Variants in DYNC2H1 observed in about 807,000 individuals in gnomAD.
DYNC2H1 encodes the protein cytoplasmic dynein 2 heavy chain 1.
Under a neutral mutation model 570.0 loss-of-function variants are expected in DYNC2H1, and 410 were observed. The ratio of observed to expected loss-of-function variants is 0.72; its 90% CI spans 0.66 to 0.78. The LOEUF (loss-of-function observed/expected upper bound fraction) is 0.78, where lower values mean the gene tolerates loss of function less well. DYNC2H1 is among the 30% of genes least tolerant of loss of function. DYNC2H1 has a pLI of 0.00. For synonymous variants in DYNC2H1, 1,688 were observed against 1,677.6 expected (o/e 1.01, Z -0.15); for missense variants, 4,865 against 5,046.4 (o/e 0.96, Z 1.09).
chr11:103,357,067 AAT>A (rs1467399665), intron 82 of DYNC2H1, among the ~76,000 whole-genome samples: 3 of 152,140 alleles, frequency 2.0e-5, no homozygotes, highest in African/African-American at 7.2e-5. Context: ...ATTTAGGTAT[AAT>A]ATGAAAAACA....
At position 103,363,972 on chromosome 11, in the gene DYNC2H1, G is replaced by A. The variant is rs948760766; in HGVS notation, c.12156+5613G>A. ...AGTCTTTTTTCCATATGAGGACCTT[G>A]AAGCTCCATAAGGCAAGCAAGAAAT... On this transcript the variant is annotated intron_variant, in intron 83 of 88. Transcript: ENST00000375735. The surrounding 1 kb of genome is among the most constrained non-coding windows in gnomAD (Gnocchi z 5.6). Among the ~76,000 whole-genome samples the A allele has an allele frequency of 1.3e-5, 2 of 152,014 alleles. No homozygotes were observed. Among genetic ancestry groups the A allele is most frequent in the African/African-American group, 2.4e-5 (1 of 41,362 alleles).
intron 75 of DYNC2H1, among the ~76,000 whole-genome samples, chr11:103,296,699 A>G (rs1405094673): frequency 1.3e-5 from 2 of 150,550 alleles, no homozygotes; most frequent in African/African-American, 4.9e-5. Flanking sequence ...TGCCATTATC[A>G]TCTTCTCCCA....
chr11:103,388,233 G>A (rs1941977452), intron 83 of DYNC2H1, among the ~76,000 whole-genome samples: 1 of 148,864 alleles, frequency 6.7e-6, no homozygotes, highest in Non-Finnish European at 1.5e-5. Context: ...CTTGTAAGTT[G>A]GATTCCTAGG....
chr11:103,249,713 C>T lies in DYNC2H1; in HGVS notation c.10043-3572C>T, dbSNP rs1189221068. Among the ~76,000 whole-genome samples the T allele has an allele frequency of 6.6e-6, 1 of 152,026 alleles. No homozygotes were observed. The highest frequency in any genetic ancestry group is 1.5e-5 in the Non-Finnish European group (1 of 67,960). On this transcript the variant is annotated intron_variant, in intron 65 of 88. Coordinates refer to ENST00000375735, the MANE Select transcript of DYNC2H1 (RefSeq NM_001377.3). This position sits in a 1 kb window ranked among gnomAD's most constrained non-coding sequence, Gnocchi z 4.6. Reference sequence around the variant, plus strand: ...TAAAACACCAACATCAGAGAGGTCACTCTGACTGCAGTCATGTTTGAGCAC... The same window carrying T: ...TAAAACACCAACATCAGAGAGGTCATTCTGACTGCAGTCATGTTTGAGCAC...
chr11:103,133,678 A>G lies in DYNC2H1; in HGVS notation c.2077A>G (p.Arg693Gly). The change falls in exon 14 of 89, where the codon AGA becomes GGA. Residue 693 changes from arginine to glycine, a missense_variant. Around this residue, in one of 5 missense-constraint regions of DYNC2H1, gnomAD observed 1,936 missense variants for 1,962.1 expected, o/e 0.99. Coordinates refer to ENST00000375735, the MANE Select transcript of DYNC2H1 (RefSeq NM_001377.3). This position sits in a 1 kb window ranked among gnomAD's most constrained non-coding sequence, Gnocchi z 4.8. ...GCTTGCCACTGAAAATAGAAAACTGAGAAAATGGCACACTACATTTTGTGA... is the reference window on the plus strand; with the variant it reads ...GCTTGCCACTGAAAATAGAAAACTGGGAAAATGGCACACTACATTTTGTGA... ...ERLATENRKL[R>G]KWHTTFCEKV... 1 of 1,611,524 alleles carries G rather than the reference A, an allele frequency of 6.2e-7. No individual in the cohort carries two copies. Among genetic ancestry groups the G allele is most frequent in the East Asian group, 2.2e-5 (1 of 44,770 alleles).
rs900171930 is a variant in DYNC2H1, at chr11:103,439,658, C to A, written c.12456+3626C>A. Reference sequence around the variant, plus strand: ...ATAGATCCCCTAGGTATCCAAGGAACCTGAGCCACAGAGAGTCTTGCAGGC... The same window carrying A: ...ATAGATCCCCTAGGTATCCAAGGAAACTGAGCCACAGAGAGTCTTGCAGGC... On this transcript the variant is annotated intron_variant, in intron 85 of 88. Transcript: ENST00000375735. The surrounding 1 kb of genome is among the most constrained non-coding windows in gnomAD (Gnocchi z 4.1). Among the ~76,000 whole-genome samples the A allele has an allele frequency of 6.6e-6, 1 of 151,992 alleles. No individual in the cohort carries two copies. The highest frequency in any genetic ancestry group is 1.5e-5 in the Non-Finnish European group (1 of 67,992).
intron 60 of DYNC2H1, among the ~76,000 whole-genome samples, chr11:103,231,836 C>T (rs778082128): frequency 1.3e-5 from 2 of 151,832 alleles, no homozygotes; most frequent in Non-Finnish European, 1.5e-5. Flanking sequence ...TTTTTCTCTA[C>T]GTTCAGGAAA....
chr11:103,154,013 A>G, intron 22 of DYNC2H1, among the ~76,000 whole-genome samples: 1 of 151,968 alleles, frequency 6.6e-6, no homozygotes, highest in East Asian at 1.9e-4. Flanking sequence ...TACCATAATT[A>G]CTAAATGGCA....
chr11:103,139,813 G>A (rs1859800346), intron 17 of DYNC2H1, among the ~76,000 whole-genome samples: 1 of 151,886 alleles, frequency 6.6e-6, no homozygotes, highest in East Asian at 1.9e-4. Flanking sequence ...TTGACAGTGG[G>A]GTGTTAAAGT....
Position 103,160,974 on chromosome 11 carries a change from C to A in DYNC2H1, c.4421C>A (p.Thr1474Asn). 6.4e-7 allele frequency: 1 copy of A among 1,571,054 alleles called. No individual in the cohort carries two copies. The highest frequency in any genetic ancestry group is 8.6e-7 in the Non-Finnish European group (1 of 1,161,460). ...TTTGATGAGAAATCAAAACATATAA[C>A]TGCAATGAAATCTTTAGAGGGAGAA... ...VCFDEKSKHI[T>N]AMKSLEGEVV... The change falls in exon 29 of 89, where the codon ACT becomes AAT. Residue 1474 changes from threonine to asparagine, a missense_variant. This residue lies in a region of DYNC2H1 where 1,936 missense variants were observed against 1,962.1 expected (regional missense o/e 0.99). Coordinates refer to ENST00000375735, the MANE Select transcript of DYNC2H1 (RefSeq NM_001377.3).
rs1863654857 is a variant in DYNC2H1, at chr11:103,223,094, A to G, written c.9353+8A>G. On this transcript the variant is annotated splice_region_variant and intron_variant, in intron 59 of 88. Coordinates refer to ENST00000375735, the MANE Select transcript of DYNC2H1 (RefSeq NM_001377.3). ...ACAGGCAGGATTAGAATCGTAAGTG[A>G]AATATAAAATATAAACAATTCTAAC... The G allele has an allele frequency of 6.3e-7, 1 of 1,582,254 alleles. No individual in the cohort carries two copies. Among genetic ancestry groups the G allele is most frequent in the African/African-American group, 1.4e-5 (1 of 73,812 alleles).
At chr11:103,330,723 A>C (rs1490032560) in intron 82 of DYNC2H1, among the ~76,000 whole-genome samples, 2 of 151,866 alleles carry the variant, frequency 1.3e-5, no homozygotes, top group South Asian at 4.2e-4. Context: ...TATTCTCTTC[A>C]TCTCCTTCAT....
At chr11:103,338,587 C>T (rs965143028) in intron 82 of DYNC2H1, among the ~76,000 whole-genome samples, 2 of 152,106 alleles carry the variant, frequency 1.3e-5, no homozygotes, top group Non-Finnish European at 2.9e-5. Context: ...CTTCTTCTGC[C>T]TGATCAGTTC....
intron 59 of DYNC2H1, among the ~76,000 whole-genome samples, chr11:103,226,508 G>A (rs573906505): frequency 8.5e-5 from 13 of 152,260 alleles, no homozygotes; most frequent in Non-Finnish European, 1.5e-4. Context: ...TTTATGTGGT[G>A]TATCACATTT....
At chr11:103,357,758 G>A (rs1791743022) in intron 82 of DYNC2H1, among the ~76,000 whole-genome samples, 1 of 151,798 alleles carries the variant, frequency 6.6e-6, no homozygotes, top group Admixed American at 6.6e-5. Context: ...TTCAAGACTA[G>A]CCTGGACAAC....
chr11:103,127,382 T>C (rs746967661), intron 12 of DYNC2H1, among the ~76,000 whole-genome samples: 1 of 152,220 alleles, frequency 6.6e-6, no homozygotes, highest in East Asian at 1.9e-4. Context: ...GTTGGATAGA[T>C]AGCAGTATGG....
At chr11:103,176,494 A>G in intron 37 of DYNC2H1, 60 bp downstream of exon 37, 1 of 1,258,956 alleles carries the variant, frequency 7.9e-7, no homozygotes, top group Non-Finnish European at 1.0e-6. Flanking sequence ...TTCCTTATTA[A>G]CTATCCTTGT....
At chr11:103,195,948 A>T (rs1316182649) in intron 47 of DYNC2H1, among the ~76,000 whole-genome samples, 1 of 152,224 alleles carries the variant, frequency 6.6e-6, no homozygotes, top group East Asian at 1.9e-4. Flanking sequence ...TGAATATAGT[A>T]AGCGAAGGAT....
chr11:103,408,170 G>C (rs1942942792), intron 84 of DYNC2H1: 1 of 151,894 alleles, frequency 6.6e-6, no homozygotes, highest in South Asian at 2.1e-4. Context: ...TAATATAAAG[G>C]GTAACGGTAG....
Sources: allele counts gnomAD v4.1 joint callset (sites outside exome capture counted in the v4.1 genomes callset), GRCh38; gene constraint gnomAD v4.1.1; regional missense constraint gnomAD v4.1.1; non-coding constraint Gnocchi (gnomAD v3.1); transcripts MANE v1.5; gene names NCBI Gene and HGNC (gene_info 2026-07-23, HGNC 2026-07-21).